TSPAN7: variants seen among roughly 807,000 people sequenced by gnomAD.
TSPAN7 encodes the protein tetraspanin 7.
A neutral mutation model predicts 17.6 loss-of-function variants in TSPAN7; 1 was observed. The ratio of observed to expected loss-of-function variants is 0.06; its 90% CI spans 0.02 to 0.27. The LOEUF (loss-of-function observed/expected upper bound fraction) is 0.27, where lower values mean the gene tolerates loss of function less well. Ranked by LOEUF, TSPAN7 falls within the 10% of genes least tolerant of loss-of-function variation. TSPAN7 has a pLI of 1.00. For synonymous variants in TSPAN7, 78 were observed against 79.0 expected, an observed-to-expected ratio of 0.99 and a Z score of 0.07; for missense variants, 112 against 201.7, an observed-to-expected ratio of 0.56 and a Z score of 2.69.
At chrX:38,604,834 A>G (rs1338933160) in intron 1 of TSPAN7, among the ~76,000 whole-genome samples, 1 of 111,189 alleles carries the variant, frequency 9.0e-6, no homozygotes, top group African/African-American at 3.3e-5. Context: ...ATAGATGCAG[A>G]AAAGGCCTTT....
chrX:38,667,499 T>C (rs2069790796), intron 2 of TSPAN7, among the ~76,000 whole-genome samples: 1 of 112,201 alleles, frequency 8.9e-6, no homozygotes, highest in African/African-American at 3.2e-5. Flanking sequence ...TGTAGTAACA[T>C]TTAATACCAT....
chrX:38,584,100 C>G (rs2069243811), intron 1 of TSPAN7, among the ~76,000 whole-genome samples: 1 of 107,599 alleles, frequency 9.3e-6, no homozygotes, highest in East Asian at 2.9e-4. Flanking sequence ...ACTACAGGCG[C>G]CCACCCCCAT....
chrX:38,666,620 A>G (rs1340957220), intron 2 of TSPAN7, among the ~76,000 whole-genome samples: 2 of 103,546 alleles, frequency 1.9e-5, no homozygotes, highest in African/African-American at 3.6e-5. Flanking sequence ...TTCTTTTGAG[A>G]TGGAGTCTCG....
chrX:38,608,105 GA>G, intron 1 of TSPAN7: 1 of 110,253 alleles, frequency 9.1e-6, no homozygotes, highest in African/African-American at 3.3e-5. Context: ...GAAATAAGTC[GA>G]AGTAAATTGG....
chrX:38,578,525 C>T (rs2147398728), intron 1 of TSPAN7, among the ~76,000 whole-genome samples: 1 of 111,220 alleles, frequency 9.0e-6, no homozygotes, highest in South Asian at 3.9e-4. Flanking sequence ...CAAAAGATAG[C>T]CCTGGTATAC....
intron 2 of TSPAN7, among the ~76,000 whole-genome samples, chrX:38,670,202 A>G (rs1398921375): frequency 3.6e-5 from 4 of 111,996 alleles, no homozygotes; most frequent in Non-Finnish European, 5.6e-5. Context: ...GCCACATGCA[A>G]TCTATCCAAA....
chrX:38,577,629 T>C (rs1482930125), intron 1 of TSPAN7, among the ~76,000 whole-genome samples: 2 of 73,263 alleles, frequency 2.7e-5, no homozygotes, highest in Non-Finnish European at 4.7e-5. Flanking sequence ...ACAATGGACA[T>C]AGGAAGGGGA....
At chrX:38,590,224 C>T (rs371598855) in intron 1 of TSPAN7, among the ~76,000 whole-genome samples, 7 of 111,968 alleles carry the variant, frequency 6.3e-5, no homozygotes, top group African/African-American at 2.3e-4. Flanking sequence ...TCCACCTCAG[C>T]CTCCTGACTA....
intron 1 of TSPAN7, among the ~76,000 whole-genome samples, chrX:38,624,661 G>A (rs977353729): frequency 7.1e-5 from 8 of 112,272 alleles, no homozygotes; most frequent in Non-Finnish European, 1.1e-4. Context: ...GAATTGTCTC[G>A]CCCAATTATA....
chrX:38,600,649 T>G (rs1365094530), intron 1 of TSPAN7, among the ~76,000 whole-genome samples: 1 of 111,898 alleles, frequency 8.9e-6, no homozygotes, highest in Admixed American at 9.5e-5. Flanking sequence ...TTAGCAATGT[T>G]TTTTGTTTTC....
intron 1 of TSPAN7, among the ~76,000 whole-genome samples, chrX:38,577,720 G>A (rs1361972211): frequency 3.8e-5 from 4 of 105,573 alleles, no homozygotes; most frequent in Non-Finnish European, 5.9e-5. Flanking sequence ...GCTAAATGAT[G>A]AGTTAATGGG....
At chrX:38,612,667 G>T (rs1328593735) in intron 1 of TSPAN7, 4 of 111,779 alleles carry the variant, frequency 3.6e-5, no homozygotes, top group East Asian at 2.8e-4. Flanking sequence ...TACAAGGGAG[G>T]TAAGTTTTTC....
chrX:38,610,491 C>T (rs5963519), intron 1 of TSPAN7, among the ~76,000 whole-genome samples: 10,800 of 111,325 alleles, frequency 0.097, 450 homozygotes, highest in East Asian at 0.26. Context: ...CCTTTGACTG[C>T]GCATTAGAAT....
At chrX:38,579,958 A>G (rs756957066) in intron 1 of TSPAN7, among the ~76,000 whole-genome samples, 3 of 112,570 alleles carry the variant, frequency 2.7e-5, no homozygotes, top group Non-Finnish European at 5.6e-5. Context: ...TATAATGATT[A>G]TACAGTATTT....
At chrX:38,676,262 T>A (rs1381860236) in intron 5 of TSPAN7, among the ~76,000 whole-genome samples, 1 of 111,219 alleles carries the variant, frequency 9.0e-6, no homozygotes, top group Non-Finnish European at 1.9e-5. Flanking sequence ...GGGAGTAGAG[T>A]TGACAGACAG....
intron 1 of TSPAN7, among the ~76,000 whole-genome samples, chrX:38,603,102 A>T (rs1454079322): frequency 8.9e-6 from 1 of 112,291 alleles, no homozygotes; most frequent in Non-Finnish European, 1.9e-5. Flanking sequence ...TAATTAAAAA[A>T]TGGGCAAAGA....
intron 1 of TSPAN7, among the ~76,000 whole-genome samples, chrX:38,613,377 G>C (rs149350623): frequency 0.041 from 4,605 of 111,736 alleles, 94 homozygotes; most frequent in Non-Finnish European, 0.059. Context: ...TGCTTATTTT[G>C]ATCTGTCTTC....
intron 1 of TSPAN7, among the ~76,000 whole-genome samples, chrX:38,632,312 C>T (rs182656080): frequency 8.9e-6 from 1 of 112,074 alleles, no homozygotes; most frequent in African/African-American, 3.2e-5. Flanking sequence ...TAAAACTCTC[C>T]TTCTACACTC....
intron 1 of TSPAN7, among the ~76,000 whole-genome samples, chrX:38,606,689 C>T (rs2069385885): frequency 8.9e-6 from 1 of 111,901 alleles, no homozygotes; most frequent in African/African-American, 3.2e-5. Context: ...GCTGTGATCC[C>T]CATGCCTAAT....
Sources: gnomAD v4.1 joint callset for allele counts (sites outside exome capture counted in the v4.1 genomes callset) on GRCh38, gnomAD v4.1.1 for gene constraint, MANE v1.5 for transcripts, NCBI Gene and HGNC (gene_info 2026-07-23, HGNC 2026-07-21) for gene names.